The following ZBTB20 variants were observed in gnomAD, a reference collection of about 807,000 sequenced individuals.
The protein encoded by ZBTB20 is zinc finger and BTB domain containing 20.
ZBTB20 carries 9 observed loss-of-function variants against 56.9 expected under a neutral mutation model. The observed-to-expected ratio is 0.16, with a 90% CI of 0.10 to 0.28. The LOEUF (loss-of-function observed/expected upper bound fraction) is 0.28, where lower values mean the gene tolerates loss of function less well. Ranked by LOEUF, ZBTB20 falls within the 10% of genes least tolerant of loss-of-function variation. ZBTB20 has a pLI of 1.00. For synonymous variants in ZBTB20, 417 were observed against 420.7 expected (o/e 0.99, Z 0.11); for missense variants, 655 against 1,003.0 (o/e 0.65, Z 4.69).
At chr3:114,675,340 G>T in intron 6 of ZBTB20, among the ~76,000 whole-genome samples, 1 of 114,532 alleles carries the variant, frequency 8.7e-6, no homozygotes. Context: ...TTTTTTTGCT[G>T]GGCCGGGGGT....
At chr3:114,808,975 C>T (rs1425012775) in intron 4 of ZBTB20, among the ~76,000 whole-genome samples, 1 of 152,012 alleles carries the variant, frequency 6.6e-6, no homozygotes, top group East Asian at 1.9e-4. Context: ...TGACATTTTC[C>T]CTTTTTTTCC....
chr3:114,683,282 G>A (rs555382043), intron 6 of ZBTB20, among the ~76,000 whole-genome samples: 124 of 152,102 alleles, frequency 8.2e-4, no homozygotes, highest in Non-Finnish European at 1.4e-3. Context: ...AGACACTGAG[G>A]TACAGAAAGA....
At chr3:114,887,507 T>C (rs2076644740) in intron 4 of ZBTB20, among the ~76,000 whole-genome samples, 1 of 151,992 alleles carries the variant, frequency 6.6e-6, no homozygotes, top group African/African-American at 2.4e-5. Context: ...ATGCTTTTAA[T>C]AGGAGGAGAG....
At chr3:114,788,021 A>G (rs1465157561) in intron 5 of ZBTB20, among the ~76,000 whole-genome samples, 1 of 152,166 alleles carries the variant, frequency 6.6e-6, no homozygotes, top group Non-Finnish European at 1.5e-5. Flanking sequence ...GAATTTTGTA[A>G]GTATGACAGC....
chr3:115,096,168 T>C (rs1050843792), intron 1 of ZBTB20, among the ~76,000 whole-genome samples: 2 of 152,210 alleles, frequency 1.3e-5, no homozygotes, highest in African/African-American at 2.4e-5. Context: ...AAGATTTGGT[T>C]TCTAATTTAA....
chr3:114,915,389 C>T (rs2107728900), intron 3 of ZBTB20, among the ~76,000 whole-genome samples: 1 of 151,894 alleles, frequency 6.6e-6, no homozygotes, highest in South Asian at 2.1e-4. Flanking sequence ...TTCTAATGGT[C>T]TTTTGAATTT....
At chr3:114,440,233 C>CT (rs1175193495) in intron 7 of ZBTB20, among the ~76,000 whole-genome samples, 2 of 151,982 alleles carry the variant, frequency 1.3e-5, no homozygotes. Context: ...CACAATCAGC[C>CT]TTAGCAATAC....
intron 4 of ZBTB20, among the ~76,000 whole-genome samples, chr3:114,878,727 G>A (rs535986161): frequency 6.6e-6 from 1 of 152,174 alleles, no homozygotes; most frequent in South Asian, 2.1e-4. Flanking sequence ...ATTATGTAAA[G>A]CAATCTTGAA....
At chr3:114,413,442 T>G (rs1464977009) in intron 7 of ZBTB20, among the ~76,000 whole-genome samples, 2 of 152,162 alleles carry the variant, frequency 1.3e-5, no homozygotes, top group Admixed American at 1.3e-4. Context: ...AAGTCCATAG[T>G]GGGTTATTCA....
chr3:114,885,574 T>A (rs1472522657), intron 4 of ZBTB20, among the ~76,000 whole-genome samples: 1 of 4,740 alleles, frequency 2.1e-4, no homozygotes, highest in Non-Finnish European at 3.7e-3. Context: ...AGTTTCTTCT[T>A]TTTTTTTTTT....
chr3:114,946,190 A>G (rs185379023), intron 3 of ZBTB20, among the ~76,000 whole-genome samples: 7 of 145,664 alleles, frequency 4.8e-5, no homozygotes, highest in Non-Finnish European at 8.9e-5. Flanking sequence ...AGAATCCTGC[A>G]CCCAATAGCA....
intron 1 of ZBTB20, among the ~76,000 whole-genome samples, chr3:115,088,483 A>C (rs961365136): frequency 6.6e-6 from 1 of 151,900 alleles, no homozygotes; most frequent in African/African-American, 2.4e-5. Flanking sequence ...AAGTGTACAC[A>C]TATCTAAATT....
chr3:114,664,725 CTG>C (rs1578226636), intron 6 of ZBTB20, among the ~76,000 whole-genome samples: 1 of 151,756 alleles, frequency 6.6e-6, no homozygotes, highest in African/African-American at 2.4e-5. Flanking sequence ...AGAGAGAAAA[CTG>C]GGGTACTCAT....
At chr3:114,432,925 C>A (rs960664892) in intron 7 of ZBTB20, among the ~76,000 whole-genome samples, 1 of 152,094 alleles carries the variant, frequency 6.6e-6, no homozygotes, top group Admixed American at 6.6e-5. Flanking sequence ...TCATACGAAC[C>A]TAACCTAAAA....
At chr3:114,453,915 G>T (rs1161682581) in intron 7 of ZBTB20, among the ~76,000 whole-genome samples, 2 of 135,812 alleles carry the variant, frequency 1.5e-5, no homozygotes, top group African/African-American at 2.8e-5. Flanking sequence ...CAGACATTAA[G>T]CTCACTCCCC....
intron 6 of ZBTB20, among the ~76,000 whole-genome samples, chr3:114,673,794 A>C (rs1483979120): frequency 6.6e-6 from 1 of 152,186 alleles, no homozygotes; most frequent in African/African-American, 2.4e-5. Context: ...GCACTTGACT[A>C]TGCTTTTGCT....
chr3:114,544,951 A>C (rs562291706), intron 6 of ZBTB20, among the ~76,000 whole-genome samples: 1 of 152,372 alleles, frequency 6.6e-6, no homozygotes, highest in South Asian at 2.1e-4. Context: ...ATCTAGAAGA[A>C]TGAGTACCTA....
chr3:115,109,445 C>T (rs1172322954), intron 1 of ZBTB20, among the ~76,000 whole-genome samples: 1 of 152,116 alleles, frequency 6.6e-6, no homozygotes, highest in East Asian at 1.9e-4. Context: ...AATAAGAATG[C>T]TTTATTAAAA....
At chr3:114,444,750 G>T (rs1483690584) in intron 7 of ZBTB20, among the ~76,000 whole-genome samples, 1 of 151,952 alleles carries the variant, frequency 6.6e-6, no homozygotes, top group Non-Finnish European at 1.5e-5. Flanking sequence ...ATAAAACCTT[G>T]TTTTAATGTA....
Sources: allele counts gnomAD v4.1 joint callset (sites outside exome capture counted in the v4.1 genomes callset), GRCh38; gene constraint gnomAD v4.1.1; transcripts MANE v1.5; gene names NCBI Gene and HGNC (gene_info 2026-07-23, HGNC 2026-07-21).